Variants in CTNNA2 observed in about 807,000 individuals in gnomAD.
The protein encoded by CTNNA2 is catenin alpha-2.
In CTNNA2, 42 loss-of-function variants were observed where a neutral mutation model predicts 101.0. The ratio of observed to expected loss-of-function variants is 0.42; its 90% confidence interval spans 0.32 to 0.54. CTNNA2 has a LOEUF of 0.54. Ranked by LOEUF, CTNNA2 falls within the 20% of genes least tolerant of loss-of-function variation. The pLI is 0.14. For synonymous variants in CTNNA2, 450 were observed against 456.4 expected (o/e 0.99, Z 0.18); for missense variants, 871 against 1,223.1 (o/e 0.71, Z 4.29).
chr2:80,047,760 T>C (rs1225862190), intron 7 of CTNNA2, among the ~76,000 whole-genome samples: 1 of 152,242 alleles, frequency 6.6e-6, no homozygotes, highest in Non-Finnish European at 1.5e-5. Context: ...CTGACTAGAA[T>C]TGGGGAAAAT....
chr2:79,475,049 T>G (rs1486492714), intron 4 of CTNNA2, among the ~76,000 whole-genome samples: 2 of 152,192 alleles, frequency 1.3e-5, no homozygotes, highest in Admixed American at 6.6e-5. Context: ...GTATGAATAC[T>G]ACATAGAACA....
intron 7 of CTNNA2, among the ~76,000 whole-genome samples, chr2:80,154,500 G>GT (rs1347311118): frequency 6.6e-6 from 1 of 152,154 alleles, no homozygotes; most frequent in Non-Finnish European, 1.5e-5. Flanking sequence ...ATTACGAGGG[G>GT]TAGGGAGCCT....
intron 2 of CTNNA2, among the ~76,000 whole-genome samples, chr2:79,272,065 C>T (rs1464319446): frequency 6.6e-6 from 1 of 151,978 alleles, no homozygotes; most frequent in Non-Finnish European, 1.5e-5. Flanking sequence ...TTATTGAAGG[C>T]CAACTATGCC....
At chr2:79,898,491 C>T (rs576323454) in intron 6 of CTNNA2, among the ~76,000 whole-genome samples, 8 of 152,252 alleles carry the variant, frequency 5.3e-5, no homozygotes, top group South Asian at 2.1e-4. Context: ...GAGAACACAG[C>T]TACAAGTGCA....
chr2:79,501,302 T>C (rs1671317203), intron 4 of CTNNA2, among the ~76,000 whole-genome samples: 1 of 152,204 alleles, frequency 6.6e-6, no homozygotes, highest in Non-Finnish European at 1.5e-5. Flanking sequence ...TTGTTAGATA[T>C]GGAGTCTTGC....
chr2:80,578,773 C>G (rs1028637231), intron 13 of CTNNA2: 7 of 152,110 alleles, frequency 4.6e-5, no homozygotes, highest in South Asian at 2.1e-4. Context: ...CAGTTCTGAG[C>G]CTGTTCACAC....
chr2:80,399,044 G>T (rs1678311855), intron 8 of CTNNA2, among the ~76,000 whole-genome samples: 1 of 148,608 alleles, frequency 6.7e-6, no homozygotes, highest in Non-Finnish European at 1.5e-5. Flanking sequence ...AAGTAGCTGG[G>T]ATTACAAGCA....
intron 7 of CTNNA2, among the ~76,000 whole-genome samples, chr2:80,073,958 G>A (rs772499628): frequency 6.6e-6 from 1 of 151,994 alleles, no homozygotes; most frequent in Admixed American, 6.6e-5. Flanking sequence ...AGATAGTCCA[G>A]TATTTCTAAT....
intron 1 of CTNNA2, among the ~76,000 whole-genome samples, chr2:79,616,388 CAG>C (rs1336243846): frequency 6.6e-6 from 1 of 152,132 alleles, no homozygotes; most frequent in Non-Finnish European, 1.5e-5. Flanking sequence ...GGATGTAAAA[CAG>C]AATGCTAACA....
At chr2:79,383,742 C>G (rs1463565710) in intron 4 of CTNNA2, among the ~76,000 whole-genome samples, 1 of 152,178 alleles carries the variant, frequency 6.6e-6, no homozygotes, top group African/African-American at 2.4e-5. Context: ...ACCTTGGGAA[C>G]TATTTCCTGA....
intron 2 of CTNNA2, among the ~76,000 whole-genome samples, chr2:79,663,325 A>T (rs1025042580): frequency 6.6e-6 from 1 of 152,180 alleles, no homozygotes; most frequent in Non-Finnish European, 1.5e-5. Context: ...TGATCATGTC[A>T]TTCTCTTAAG....
chr2:79,340,645 A>G (rs1304642686), intron 3 of CTNNA2, among the ~76,000 whole-genome samples: 1 of 152,094 alleles, frequency 6.6e-6, no homozygotes, highest in Non-Finnish European at 1.5e-5. Flanking sequence ...CGTCCTGGCT[A>G]ACACGGTGAA....
chr2:80,430,900 A>G (rs149360223), intron 9 of CTNNA2, among the ~76,000 whole-genome samples: 3,210 of 152,196 alleles, frequency 0.021, 53 homozygotes, highest in South Asian at 0.062. Context: ...GCAACTGTTG[A>G]AAGGTGTGTA....
At chr2:80,357,082 G>A (rs577040781) in intron 7 of CTNNA2, among the ~76,000 whole-genome samples, 20 of 152,244 alleles carry the variant, frequency 1.3e-4, no homozygotes, top group African/African-American at 4.8e-4. Context: ...CTTGAGGAGT[G>A]CTTAAATTAT....
At chr2:79,356,760 G>A (rs1677517123) in intron 3 of CTNNA2, among the ~76,000 whole-genome samples, 1 of 151,936 alleles carries the variant, frequency 6.6e-6, no homozygotes, top group Non-Finnish European at 1.5e-5. Context: ...TAAAAAGATA[G>A]CACCATCCAG....
At chr2:80,641,529 A>G (rs1205037200) in intron 18 of CTNNA2, among the ~76,000 whole-genome samples, 2 of 152,164 alleles carry the variant, frequency 1.3e-5, no homozygotes, top group East Asian at 3.9e-4. Context: ...TTACTATGTC[A>G]TGTCATCTGC....
intron 7 of CTNNA2, among the ~76,000 whole-genome samples, chr2:80,100,672 C>T (rs1700486281): frequency 6.6e-6 from 1 of 152,184 alleles, no homozygotes; most frequent in South Asian, 2.1e-4. Context: ...GCATAGTGCC[C>T]AGCTCAAGGT....
intron 7 of CTNNA2, among the ~76,000 whole-genome samples, chr2:79,924,216 A>T (rs1266566470): frequency 6.6e-6 from 1 of 151,362 alleles, no homozygotes; most frequent in Non-Finnish European, 1.5e-5. Flanking sequence ...GTTTCAAGGA[A>T]TCATCTTTTT....
rs138613167 is a variant in CTNNA2, at chr2:80,475,648, T to C, written c.1290+56047T>C. On this transcript the variant is annotated intron_variant, in intron 9 of 18. Coordinates refer to ENST00000402739, the MANE Select transcript of CTNNA2 (RefSeq NM_001282597.3). ...ACTTATTTCAGGGTCTACTATTCTT[T>C]GACATGATGACTTTGTTCACATATG... Among the ~76,000 whole-genome samples the C allele has an allele frequency of 2.0e-5, 3 of 152,220 alleles. No homozygotes were observed. In the East Asian group the frequency reaches 5.8e-4, roughly 30 times the overall value.
Sources: gnomAD v4.1 joint callset for allele counts (sites outside exome capture counted in the v4.1 genomes callset) on GRCh38, gnomAD v4.1.1 for gene constraint, MANE v1.5 for transcripts, NCBI Gene and HGNC (gene_info 2026-07-23, HGNC 2026-07-21) for gene names.